MMEL1: variants seen among roughly 807,000 people sequenced by gnomAD.
MMEL1 encodes the protein membrane metalloendopeptidase like 1, also known as membrane metallo-endopeptidase-like 1.
Under a neutral mutation model 117.1 loss-of-function variants are expected in MMEL1, and 98 were observed. The observed-to-expected ratio is 0.84, with a 90% CI of 0.71 to 0.99. The LOEUF (loss-of-function observed/expected upper bound fraction) is 0.99, where lower values mean the gene tolerates loss of function less well. MMEL1 is among the 50% of genes least tolerant of loss of function. The pLI is 0.00. For missense variants in MMEL1, 1,014 were observed against 1,049.1 expected (o/e 0.97, Z 0.46); for synonymous variants, 390 against 415.1 (o/e 0.94, Z 0.74).
Position 2,629,322 on chromosome 1 carries a change from C to T in MMEL1, c.154+9G>A. The T allele has an allele frequency of 2.6e-6, 4 of 1,527,240 alleles. No individual in the cohort carries two copies. The highest frequency in any genetic ancestry group is 2.0e-5 in the Admixed American group (1 of 50,298). The allele number at this position is 1,527,240 out of a possible 1,614,324, so 94.6% of individuals were successfully genotyped here. ...CGGGGACAGGCGGGGGCGGGGCACC[C>T]GCACTCACCTCTGCGGTCGGCGTAG... On this transcript the variant is annotated intron_variant, in intron 2 of 23. Coordinates refer to ENST00000378412, the MANE Select transcript of MMEL1 (RefSeq NM_033467.4).
chr1:2,609,781 A>G lies in MMEL1; in HGVS notation c.343T>C (p.Phe115Leu), dbSNP rs760023563. 6 of 1,613,718 alleles carry G rather than the reference A, an allele frequency of 3.7e-6. No homozygotes were observed. ...MDPTTEPCDD[F>L]YQFACGGWLR... is the part of the protein sequence containing the mutation. Reference sequence around the variant, plus strand: ...CAGCCTCCGCATGCAAACTGGTAGAAGTCGTCACACGGTTCCGTGGTCGGG... The same window carrying G: ...CAGCCTCCGCATGCAAACTGGTAGAGGTCGTCACACGGTTCCGTGGTCGGG... Residue 115 changes from phenylalanine to leucine, a missense_variant, in exon 5 of 24, where the codon TTC becomes CTC. Coordinates refer to ENST00000378412, the MANE Select transcript of MMEL1 (RefSeq NM_033467.4).
At chr1:2,620,431 T>G (rs754983036) in intron 2 of MMEL1, among the ~76,000 whole-genome samples, 3 of 152,214 alleles carry the variant, frequency 2.0e-5, no homozygotes, top group African/African-American at 7.2e-5. Context: ...CTCCCCAAAC[T>G]TGTCTGATCA....
At chr1:2,609,300 G>T (rs373303955) in intron 6 of MMEL1, 39 bp downstream of exon 6, 8 of 1,579,994 alleles carry the variant, frequency 5.1e-6, no homozygotes, top group South Asian at 3.4e-5. Context: ...GCCCGCCCCC[G>T]TCCCCTGCCT....
chr1:2,607,115 AC>A (rs1280577223), intron 6 of MMEL1, 46 bp from the exon 7 acceptor site: 2 of 1,524,158 alleles, frequency 1.3e-6, no homozygotes, highest in African/African-American at 2.7e-5. Context: ...CCTGTGGCTC[AC>A]GTGCCACGAC....
At chr1:2,631,617 C>T (rs1210363042) in intron 1 of MMEL1, among the ~76,000 whole-genome samples, 1 of 152,104 alleles carries the variant, frequency 6.6e-6, no homozygotes, top group Non-Finnish European at 1.5e-5. Flanking sequence ...CCTTCCTGTC[C>T]CCTCAGCCAC....
intron 1 of MMEL1, 41 bp from the exon 2 acceptor site, chr1:2,629,562 G>A: frequency 7.3e-7 from 1 of 1,378,360 alleles, no homozygotes; most frequent in Non-Finnish European, 9.4e-7. Flanking sequence ...GGGGCGTGGA[G>A]CTCCCCGAGC....
In MMEL1 at chr1:2,595,516, T is replaced by A; in HGVS notation, c.1501-157A>T. Among the ~76,000 whole-genome samples the A allele has an allele frequency of 6.6e-6, 1 of 152,080 alleles. No homozygotes were observed. The highest frequency in any genetic ancestry group is 1.9e-4 in the East Asian group (1 of 5,180). ...GGTGAGGGGCTGGGGGGCTCCGGGATCTGGCCCCCACCTTGCAGGCTCTGG... is the reference window on the plus strand; with the variant it reads ...GGTGAGGGGCTGGGGGGCTCCGGGAACTGGCCCCCACCTTGCAGGCTCTGG... On this transcript the variant is annotated intron_variant, in intron 15 of 23. Coordinates refer to ENST00000378412, the MANE Select transcript of MMEL1 (RefSeq NM_033467.4). This position sits in a 1 kb window ranked among gnomAD's most constrained non-coding sequence, Gnocchi z 4.8.
intron 2 of MMEL1, among the ~76,000 whole-genome samples, chr1:2,626,231 A>G (rs1638271678): frequency 6.6e-6 from 1 of 152,194 alleles, no homozygotes; most frequent in Non-Finnish European, 1.5e-5. Context: ...AATTGGTGAC[A>G]AAGAAATTTG....
At chr1:2,627,132 G>C (rs573888956) in intron 2 of MMEL1, among the ~76,000 whole-genome samples, 9 of 152,196 alleles carry the variant, frequency 5.9e-5, no homozygotes, top group Non-Finnish European at 1.3e-4. Context: ...AGTCAGAAAC[G>C]GTGACTACAC....
At chr1:2,614,078 T>C (rs1645168897) in intron 2 of MMEL1, among the ~76,000 whole-genome samples, 1 of 152,190 alleles carries the variant, frequency 6.6e-6, no homozygotes, top group African/African-American at 2.4e-5. Flanking sequence ...GCAGGGCAAC[T>C]ATTCTGTACG....
At chr1:2,608,697 G>A (rs962094601) in intron 6 of MMEL1, among the ~76,000 whole-genome samples, 2 of 151,832 alleles carry the variant, frequency 1.3e-5, no homozygotes. Flanking sequence ...ATACATGCAT[G>A]TGCACATAAT....
intron 6 of MMEL1, among the ~76,000 whole-genome samples, chr1:2,608,202 C>G (rs763785472): frequency 6.6e-6 from 1 of 152,108 alleles, no homozygotes. Flanking sequence ...AGGGTCCCAG[C>G]GAGTTCCACA....
chr1:2,591,096 G>T lies in MMEL1; in HGVS notation c.2241-7C>A. The stretch of plus-strand genomic sequence containing the variant: ...CTGCAGCGACCCCAGTACCCTGTGG[G>T]TGGGTGGGTGTGACAGCAGGAGCAT... On this transcript the variant is annotated splice_region_variant and splice_polypyrimidine_tract_variant and intron_variant, in intron 23 of 23. Coordinates refer to ENST00000378412, the MANE Select transcript of MMEL1 (RefSeq NM_033467.4). 6.4e-7 allele frequency: 1 copy of T among 1,557,700 alleles called. No homozygotes were observed. The highest frequency in any genetic ancestry group is 1.7e-4 in the Middle Eastern group (1 of 5,780).
At chr1:2,615,831 A>G (rs1452848005) in intron 2 of MMEL1, among the ~76,000 whole-genome samples, 2 of 152,212 alleles carry the variant, frequency 1.3e-5, no homozygotes, top group African/African-American at 4.8e-5. Context: ...GGCTTAACAT[A>G]TATGTAACTA....
chr1:2,602,491 C>A (rs1644948562), intron 11 of MMEL1, among the ~76,000 whole-genome samples: 1 of 152,212 alleles, frequency 6.6e-6, no homozygotes, highest in Non-Finnish European at 1.5e-5. Context: ...CAAAATCAAC[C>A]CCAAAGCCAC....
intron 1 of MMEL1, among the ~76,000 whole-genome samples, chr1:2,631,029 TTG>T (rs770674727): frequency 3.2e-4 from 48 of 148,846 alleles, no homozygotes; most frequent in African/African-American, 4.7e-4. Flanking sequence ...ATGTGCATGA[TTG>T]TGTGTGTGGG....
Position 2,590,922 on chromosome 1 carries a change from C to G in MMEL1, c.*68G>C, listed in dbSNP as rs1644676777. The G allele has an allele frequency of 3.2e-6, 4 of 1,241,738 alleles. No homozygotes were observed. In the South Asian group the frequency reaches 8.2e-5, roughly 25 times the overall value. The allele number at this position is 1,241,738 out of a possible 1,614,324, so 76.9% of individuals were successfully genotyped here. ...GGGACGTACACTGGGTCGCCGCTAG[C>G]TGCACCTTCGCACAGATGCCTCCGA... is the stretch of plus-strand genomic sequence containing the variant. On this transcript the variant is annotated 3_prime_UTR_variant, in exon 24 of 24. Transcript: ENST00000378412.
At chr1:2,616,875 T>C (rs564434802) in intron 2 of MMEL1, among the ~76,000 whole-genome samples, 4 of 152,374 alleles carry the variant, frequency 2.6e-5, no homozygotes, top group African/African-American at 9.6e-5. Context: ...GGATTTCCCG[T>C]AGCCTTGTTG....
chr1:2,628,161 C>A (rs991025961), intron 2 of MMEL1, among the ~76,000 whole-genome samples: 2 of 152,210 alleles, frequency 1.3e-5, no homozygotes, highest in African/African-American at 4.8e-5. Flanking sequence ...GTGAGTGAGC[C>A]TTTCCCTCCC....
Sources: gnomAD v4.1 joint callset for allele counts (sites outside exome capture counted in the v4.1 genomes callset) on GRCh38, gnomAD v4.1.1 for gene constraint, Gnocchi (gnomAD v3.1) non-coding constraint, MANE v1.5 for transcripts, NCBI Gene and HGNC (gene_info 2026-07-23, HGNC 2026-07-21) for gene names.